The following SLFN12L variants were observed in gnomAD, a reference collection of about 807,000 sequenced individuals.
The protein encoded by SLFN12L is schlafen family member 12-like.
SLFN12L carries 34 observed loss-of-function variants against 34.8 expected under a neutral mutation model. The ratio of observed to expected loss-of-function variants is 0.98; its 90% CI spans 0.74 to 1.30. The LOEUF is 1.30. SLFN12L is among the 50% of genes most tolerant of loss of function. The pLI, the probability that SLFN12L is intolerant of heterozygous loss-of-function variation, is 0.00. For missense variants in SLFN12L, 703 were observed against 696.2 expected (o/e 1.01, Z -0.11); for synonymous variants, 259 against 247.5 (o/e 1.05, Z -0.44).
At chr17:35,491,247 C>T in intron 2 of SLFN12L, 1 of 1,072,078 alleles carries the variant, frequency 9.3e-7, no homozygotes, top group South Asian at 1.7e-5. Context: ...GTTGATTATG[C>T]TTCATGTGAA....
intron 2 of SLFN12L, among the ~76,000 whole-genome samples, chr17:35,491,488 G>T (rs1374568720): frequency 6.6e-6 from 1 of 152,212 alleles, no homozygotes; most frequent in East Asian, 1.9e-4. Context: ...AAGATCTCCT[G>T]GCTAGGTCAG....
Position 35,473,869 on chromosome 17 carries a change from C to T in SLFN12L, c.*1054G>A, listed in dbSNP as rs373545176. The T allele has an allele frequency of 6.6e-6, 1 of 152,298 alleles. No homozygotes were observed. Among genetic ancestry groups the T allele is most frequent in the South Asian group, 2.1e-4 (1 of 4,830 alleles). The allele number at this position is 152,298 out of a possible 1,614,324, so 9.4% of individuals were successfully genotyped here. On this transcript the variant is annotated 3_prime_UTR_variant, in exon 5 of 5. Coordinates refer to ENST00000628453, the MANE Select transcript of SLFN12L (RefSeq NM_001363830.2). ...GGATTTGACTTCTCCCTGGCTCAGT[C>T]TTGGGAGGTTGCATGTGTTCAGGAA...
intron 2 of SLFN12L, among the ~76,000 whole-genome samples, chr17:35,482,845 T>C (rs1914402426): frequency 1.3e-5 from 2 of 152,096 alleles, no homozygotes; most frequent in South Asian, 4.1e-4. Flanking sequence ...CTGCCAGTGC[T>C]GTAGACTGTG....
chr17:35,531,994 G>T (rs1279230214), intron 1 of SLFN12L, among the ~76,000 whole-genome samples: 1 of 151,740 alleles, frequency 6.6e-6, no homozygotes, highest in African/African-American at 2.4e-5. Context: ...GAAACCTCAA[G>T]AACTGCTAAT....
chr17:35,466,670 A>G lies in SLFN12L; in HGVS notation c.*8253T>C, dbSNP rs1436583633. 6.6e-6 allele frequency among the ~76,000 whole-genome samples: 1 copy of G among 152,220 alleles called. No homozygotes were observed. Among genetic ancestry groups the G allele is most frequent in the Non-Finnish European group, 1.5e-5 (1 of 68,030 alleles). On this transcript the variant is annotated 3_prime_UTR_variant, in exon 5 of 5. Coordinates refer to ENST00000628453, the MANE Select transcript of SLFN12L (RefSeq NM_001363830.2). ...CAAATGAACCCACTTTAAATGTGGCAGCCTCAAACAAAAAGGCTCTAAAAT... is the reference window on the plus strand; with the variant it reads ...CAAATGAACCCACTTTAAATGTGGCGGCCTCAAACAAAAAGGCTCTAAAAT...
At chr17:35,524,014 G>A (rs1047575365) in intron 1 of SLFN12L, among the ~76,000 whole-genome samples, 16 of 152,152 alleles carry the variant, frequency 1.1e-4, no homozygotes, top group Non-Finnish European at 2.2e-4. Flanking sequence ...GGCAGTGGCA[G>A]AATACAAACC....
intron 1 of SLFN12L, among the ~76,000 whole-genome samples, chr17:35,524,880 C>A (rs561416305): frequency 1.9e-3 from 282 of 152,092 alleles, no homozygotes; most frequent in African/African-American, 6.6e-3. Context: ...CAGACGTAGG[C>A]TTCATAAGGT....
intron 2 of SLFN12L, among the ~76,000 whole-genome samples, chr17:35,494,237 A>T (rs1034614732): frequency 3.3e-5 from 5 of 151,998 alleles, no homozygotes; most frequent in Admixed American, 2.0e-4. Context: ...GTAAAAAAAA[A>T]ACAACAAAAA....
In SLFN12L at chr17:35,478,089, C is replaced by G. The variant is rs759402093; in HGVS notation, c.1262G>C (p.Arg421Thr). ...EYINFKIQPL[R>T]YHLPGLSEKI... ...AATTAAATTACCTGGAAGGTGATAT[C>G]TCAGTGGCTGAATTTTGAAGTTAAT... is the stretch of plus-strand genomic sequence containing the variant. The change falls in exon 4 of 5, where the codon AGA (arginine) becomes ACA (threonine). Residue 421 changes from arginine (R) to threonine (T), a missense_variant. Transcript: ENST00000628453. 6.5e-7 allele frequency: 1 copy of G among 1,538,862 alleles called. No individual in the cohort carries two copies. Among genetic ancestry groups the G allele is most frequent in the East Asian group, 2.5e-5 (1 of 40,726 alleles).
At chr17:35,501,763 G>A (rs1915301942) in intron 2 of SLFN12L, among the ~76,000 whole-genome samples, 1 of 152,154 alleles carries the variant, frequency 6.6e-6, no homozygotes, top group African/African-American at 2.4e-5. Flanking sequence ...ATTAGAGGTG[G>A]CCATCAGAAG....
chr17:35,487,628 A>G, intron 2 of SLFN12L: 1 of 1,304,222 alleles, frequency 7.7e-7, no homozygotes, highest in Non-Finnish European at 1.1e-6. Context: ...GCCCACGTGA[A>G]TAGCTCTGAG....
At chr17:35,520,732 C>A (rs1177940492) in intron 2 of SLFN12L, among the ~76,000 whole-genome samples, 3 of 150,994 alleles carry the variant, frequency 2.0e-5, no homozygotes, top group African/African-American at 7.3e-5. Context: ...GGCGACAGAG[C>A]AAAACTCGGT....
intron 2 of SLFN12L, among the ~76,000 whole-genome samples, chr17:35,516,850 A>C (rs1915844737): frequency 6.6e-6 from 1 of 152,270 alleles, no homozygotes; most frequent in East Asian, 1.9e-4. Context: ...TACTTTTAAT[A>C]AAATATTTTA....
intron 1 of SLFN12L, among the ~76,000 whole-genome samples, chr17:35,530,423 AAGGAAGGGAAGGGAAGGGAAGAAAGAAAG>A (rs2072386566): frequency 2.4e-4 from 4 of 16,750 alleles, no homozygotes; most frequent in African/African-American, 7.4e-4. Context: ...GGAAGGAAGG[AAGGAAGGGAAGGGAAGGGAAGAAAGAAAG>A]AAAGAAAGAA....
intron 3 of SLFN12L, among the ~76,000 whole-genome samples, chr17:35,478,846 T>G (rs1914153604): frequency 6.6e-6 from 1 of 152,230 alleles, no homozygotes; most frequent in Admixed American, 6.5e-5. Context: ...GAACAGGCTT[T>G]CCTTGAAAGT....
intron 2 of SLFN12L, among the ~76,000 whole-genome samples, chr17:35,521,643 T>C (rs1915999170): frequency 6.6e-6 from 1 of 152,140 alleles, no homozygotes; most frequent in Admixed American, 6.5e-5. Context: ...GAGGATCACT[T>C]CAGCCCAGGA....
intron 2 of SLFN12L, among the ~76,000 whole-genome samples, chr17:35,502,186 C>T (rs1915317482): frequency 6.6e-6 from 1 of 151,954 alleles, no homozygotes; most frequent in African/African-American, 2.4e-5. Context: ...TAAAGGTATT[C>T]TCCATAAGCC....
rs572012970 is a variant in SLFN12L at position 35,514,188 on chromosome 17, G to A, written c.86+8091C>T. Among the ~76,000 whole-genome samples, 67 of 152,316 alleles carry A rather than the reference G, an allele frequency of 4.4e-4. No individual in the cohort carries two copies. The Middle Eastern group carries it at 0.024, about 54-fold the overall frequency. On this transcript the variant is annotated intron_variant, in intron 2 of 4. Transcript: ENST00000628453. ...ATATTTTAAATGCAAGGAGATAATT[G>A]CTTAGAACACATTAAGCTCACTGAT...
intron 2 of SLFN12L, chr17:35,490,080 G>T: frequency 6.2e-7 from 1 of 1,606,500 alleles, no homozygotes; most frequent in Non-Finnish European, 8.5e-7. Context: ...GTAGCCACCG[G>T]CCCCCTCCTC....
Sources: allele counts gnomAD v4.1 joint callset (sites outside exome capture counted in the v4.1 genomes callset), GRCh38; gene constraint gnomAD v4.1.1; transcripts MANE v1.5; gene names NCBI Gene and HGNC (gene_info 2026-07-23, HGNC 2026-07-21).